TFEC: variants seen among roughly 807,000 people sequenced by gnomAD.
TFEC encodes class E basic helix-loop-helix protein 34.
A neutral mutation model predicts 41.6 loss-of-function variants in TFEC; 31 were observed. The ratio of observed to expected loss-of-function variants is 0.74; its 90% CI spans 0.56 to 1.01. The LOEUF (loss-of-function observed/expected upper bound fraction) is 1.01, where lower values mean the gene tolerates loss of function less well. Among genes scored for constraint, TFEC ranks in the 50% least tolerant of loss-of-function variants. TFEC has a pLI of 0.00. For missense variants in TFEC, 402 were observed against 404.1 expected, an observed-to-expected ratio of 0.99 and a Z score of 0.04; for synonymous variants, 143 against 140.6, an observed-to-expected ratio of 1.02 and a Z score of -0.12.
chr7:115,988,145 C>G (rs1362363679), intron 1 of TFEC, among the ~76,000 whole-genome samples: 7 of 152,110 alleles, frequency 4.6e-5, no homozygotes, highest in African/African-American at 1.7e-4. Flanking sequence ...GTTTCTTTTA[C>G]ATCCAGTACA....
At chr7:115,972,513 T>C (rs1793179887) in intron 3 of TFEC, among the ~76,000 whole-genome samples, 1 of 152,130 alleles carries the variant, frequency 6.6e-6, no homozygotes, top group Non-Finnish European at 1.5e-5. Context: ...TATATTGTCA[T>C]CTCTTGACAT....
chr7:116,053,935 ATTAT>A (rs143099028), intron 3 of TFEC, among the ~76,000 whole-genome samples: 1,910 of 152,344 alleles, frequency 0.013, 42 homozygotes, highest in African/African-American at 0.044. Flanking sequence ...TCTTATATAA[ATTAT>A]TTATTCATCA....
At chr7:116,137,039 GT>G (rs1160292613) in intron 1 of TFEC, among the ~76,000 whole-genome samples, 1 of 151,858 alleles carries the variant, frequency 6.6e-6, no homozygotes, top group Non-Finnish European at 1.5e-5. Flanking sequence ...GTTTAAAGTT[GT>G]TTCTTCTATA....
intron 1 of TFEC, among the ~76,000 whole-genome samples, chr7:116,126,849 T>C (rs1038164380): frequency 6.6e-6 from 1 of 152,064 alleles, no homozygotes; most frequent in South Asian, 2.1e-4. Context: ...AGAACCACTG[T>C]CCCCTGGGTA....
intron 3 of TFEC, among the ~76,000 whole-genome samples, chr7:116,096,019 T>C (rs1398644689): frequency 6.6e-6 from 1 of 152,232 alleles, no homozygotes; most frequent in African/African-American, 2.4e-5. Flanking sequence ...ACTAACTACT[T>C]ACTACCACTT....
intron 1 of TFEC, among the ~76,000 whole-genome samples, chr7:116,145,456 A>G (rs1361323436): frequency 6.6e-6 from 1 of 152,200 alleles, no homozygotes; most frequent in African/African-American, 2.4e-5. Flanking sequence ...CTCACAGCAC[A>G]GAGACCACTT....
chr7:116,106,461 C>T (rs1157483730), intron 3 of TFEC, among the ~76,000 whole-genome samples: 1 of 152,192 alleles, frequency 6.6e-6, no homozygotes, highest in Admixed American at 6.5e-5. Context: ...TGGCTCACTG[C>T]AACCTCCACC....
At chr7:116,129,038 T>G (rs1798274474) in intron 1 of TFEC, among the ~76,000 whole-genome samples, 1 of 151,474 alleles carries the variant, frequency 6.6e-6, no homozygotes, top group African/African-American at 2.4e-5. Flanking sequence ...AGTCCAGACA[T>G]GTACTGTTTT....
chr7:115,970,161 A>G (rs1793068049), intron 3 of TFEC, among the ~76,000 whole-genome samples: 1 of 151,970 alleles, frequency 6.6e-6, no homozygotes, highest in Admixed American at 6.6e-5. Flanking sequence ...GAATTTAGAC[A>G]TCTGTGAGAA....
chr7:115,959,023 T>C (rs1291969494), intron 3 of TFEC, among the ~76,000 whole-genome samples: 1 of 151,856 alleles, frequency 6.6e-6, no homozygotes, highest in Non-Finnish European at 1.5e-5. Flanking sequence ...TTGTCAAAGG[T>C]ATAAGTAACT....
intron 1 of TFEC, among the ~76,000 whole-genome samples, chr7:116,027,263 A>G (rs1011400832): frequency 1.2e-4 from 19 of 152,090 alleles, no homozygotes; most frequent in Non-Finnish European, 2.9e-5. Context: ...AAAACAAGAT[A>G]TAGCCAAATA....
At chr7:115,968,097 T>C (rs900387892) in intron 3 of TFEC, 15 of 1,315,308 alleles carry the variant, frequency 1.1e-5, no homozygotes, top group Non-Finnish European at 1.5e-5. Context: ...CCTTATTTTA[T>C]TGACTATAAG....
chr7:115,973,404 A>G (rs1354734888), intron 3 of TFEC, among the ~76,000 whole-genome samples: 1 of 151,988 alleles, frequency 6.6e-6, no homozygotes, highest in Non-Finnish European at 1.5e-5. Context: ...TTAAATATTT[A>G]AAGTAACAAT....
chr7:116,019,959 A>T (rs1318328506), intron 1 of TFEC, among the ~76,000 whole-genome samples: 1 of 152,180 alleles, frequency 6.6e-6, no homozygotes, highest in Non-Finnish European at 1.5e-5. Flanking sequence ...AATTTTAAAA[A>T]TATATTAATA....
chr7:116,008,676 C>A (rs1794892627), intron 1 of TFEC, among the ~76,000 whole-genome samples: 1 of 152,118 alleles, frequency 6.6e-6, no homozygotes, highest in African/African-American at 2.4e-5. Flanking sequence ...TTCTTCAAAT[C>A]TTTCTTTCCT....
chr7:116,147,421 A>C (rs1798666052), intron 1 of TFEC, among the ~76,000 whole-genome samples: 1 of 152,168 alleles, frequency 6.6e-6, no homozygotes, highest in Non-Finnish European at 1.5e-5. Flanking sequence ...TTTTTTTATT[A>C]TACTTTAAGT....
At chr7:116,093,651 T>G (rs964552526) in intron 3 of TFEC, among the ~76,000 whole-genome samples, 13 of 152,202 alleles carry the variant, frequency 8.5e-5, no homozygotes, top group African/African-American at 3.1e-4. Context: ...ACATCTGCTA[T>G]GCCAAAAATA....
At chr7:115,947,569 T>G (rs1292012475) in intron 6 of TFEC, among the ~76,000 whole-genome samples, 1 of 151,550 alleles carries the variant, frequency 6.6e-6, no homozygotes, top group African/African-American at 2.4e-5. Flanking sequence ...CTCCACATCC[T>G]CTCCAGCACC....
intron 1 of TFEC, among the ~76,000 whole-genome samples, chr7:115,996,725 G>C (rs1794384314): frequency 6.6e-6 from 1 of 152,026 alleles, no homozygotes; most frequent in African/African-American, 2.4e-5. Context: ...GAGTCCTGGA[G>C]CTGGCAGCAT....
Sources: allele counts gnomAD v4.1 joint callset (sites outside exome capture counted in the v4.1 genomes callset), GRCh38; gene constraint gnomAD v4.1.1; transcripts MANE v1.5; gene names NCBI Gene and HGNC (gene_info 2026-07-23, HGNC 2026-07-21).